The following GSDMC variants were observed in gnomAD, a reference collection of about 807,000 sequenced individuals.
The protein encoded by GSDMC is gasdermin-C.
Under a neutral mutation model 58.0 loss-of-function variants are expected in GSDMC, and 59 were observed. The observed-to-expected ratio is 1.02, with a 90% CI of 0.82 to 1.26. The LOEUF (loss-of-function observed/expected upper bound fraction) is 1.26, where lower values mean the gene tolerates loss of function less well. GSDMC is among the 50% of genes most tolerant of loss of function. The pLI is 0.00. For synonymous variants in GSDMC, 241 were observed against 220.2 expected (o/e 1.09, Z -0.83); for missense variants, 659 against 598.5 (o/e 1.10, Z -1.06).
At chr8:129,781,187 T>C (rs921652581) in intron 1 of GSDMC, among the ~76,000 whole-genome samples, 3 of 152,090 alleles carry the variant, frequency 2.0e-5, no homozygotes, top group East Asian at 1.9e-4. Flanking sequence ...TTATTAGTAA[T>C]AACATTAAAT....
intron 3 of GSDMC, among the ~76,000 whole-genome samples, chr8:129,774,134 C>T (rs1285545634): frequency 2.0e-5 from 3 of 152,144 alleles, no homozygotes; most frequent in Non-Finnish European, 4.4e-5. Context: ...ACACCCTATA[C>T]TTCCTGATTT....
rs369920568 is a variant in GSDMC at position 129,751,553 on chromosome 8, G to A, written c.932C>T (p.Pro311Leu). 1 of 1,611,646 alleles carries A rather than the reference G, an allele frequency of 6.2e-7. No homozygotes were observed. Among genetic ancestry groups the A allele is most frequent in the South Asian group, 1.1e-5 (1 of 90,836 alleles). ...HILPVGRIEE[P>L]FWQNFKHLQE... ...TAATAAATACTTACTTTGCCAGAAG[G>A]GTTCCTCTATTCTTCCTAGAAGGAG... is the stretch of plus-strand genomic sequence containing the variant. Residue 311 changes from proline to leucine, a missense_variant, in exon 10 of 14, where the codon CCC (proline) becomes CTC (leucine). Coordinates refer to ENST00000276708, the MANE Select transcript of GSDMC (RefSeq NM_031415.3).
chr8:129,771,862 T>C (rs2034061950), intron 3 of GSDMC, among the ~76,000 whole-genome samples: 1 of 152,058 alleles, frequency 6.6e-6, no homozygotes, highest in African/African-American at 2.4e-5. Context: ...ATACCAAAAC[T>C]TATGGGATAC....
chr8:129,759,917 A>G (rs901340192), intron 6 of GSDMC, among the ~76,000 whole-genome samples: 1 of 152,180 alleles, frequency 6.6e-6, no homozygotes, highest in African/African-American at 2.4e-5. Context: ...AAGAACAAAC[A>G]TTGCAACACT....
At chr8:129,754,296 G>C (rs1362723697) in intron 6 of GSDMC, among the ~76,000 whole-genome samples, 1 of 67,886 alleles carries the variant, frequency 1.5e-5, no homozygotes, top group Non-Finnish European at 3.0e-5. Context: ...AGGTGGCTCA[G>C]TACAGAGAGA....
At chr8:129,776,321 G>C in intron 2 of GSDMC, 36 bp from the exon 3 acceptor site, 1 of 1,504,534 alleles carries the variant, frequency 6.6e-7, no homozygotes, top group Non-Finnish European at 9.0e-7. Flanking sequence ...GTTTAGCCAA[G>C]AATTCATTCA....
At chr8:129,762,537 A>C in intron 5 of GSDMC, 89 bp downstream of exon 5, 1 of 820,232 alleles carries the variant, frequency 1.2e-6, no homozygotes, top group Non-Finnish European at 2.1e-6. Context: ...AAGGTTGCAT[A>C]CTATGGTTAT....
the GSDMC span, among the ~76,000 whole-genome samples, chr8:129,718,567 C>T: frequency 6.6e-6 from 1 of 152,170 alleles, no homozygotes; most frequent in African/African-American, 2.4e-5. Flanking sequence ...AATTGTAACG[C>T]TTTTACACTG....
At chr8:129,724,411 A>G in the GSDMC span, among the ~76,000 whole-genome samples, 1 of 152,208 alleles carries the variant, frequency 6.6e-6, no homozygotes, top group African/African-American at 2.4e-5. Context: ...TTTGTTTATC[A>G]ATAGATTATA....
chr8:129,772,974 A>G (rs573673651), intron 3 of GSDMC, among the ~76,000 whole-genome samples: 1 of 152,356 alleles, frequency 6.6e-6, no homozygotes, highest in African/African-American at 2.4e-5. Context: ...TTGCAAATCA[A>G]TAAATATAAT....
the GSDMC span, among the ~76,000 whole-genome samples, chr8:129,736,055 G>A: frequency 6.6e-6 from 1 of 152,150 alleles, no homozygotes. Flanking sequence ...AGAAAATCTA[G>A]AAGAAATGGA....
chr8:129,759,896 A>T (rs2033589668), intron 6 of GSDMC, among the ~76,000 whole-genome samples: 1 of 152,220 alleles, frequency 6.6e-6, no homozygotes. Context: ...CAGTATACCA[A>T]AGAGAGATTT....
At chr8:129,736,629 G>C in the GSDMC span, among the ~76,000 whole-genome samples, 3 of 152,208 alleles carry the variant, frequency 2.0e-5, no homozygotes, top group Non-Finnish European at 4.4e-5. Flanking sequence ...GGTATTGATG[G>C]GACGTTATCT....
chr8:129,712,283 G>T, the GSDMC span, among the ~76,000 whole-genome samples: 1 of 152,052 alleles, frequency 6.6e-6, no homozygotes, highest in Non-Finnish European at 1.5e-5. Context: ...AGGTATACAG[G>T]AATATCATGA....
rs1161844736 is a variant in GSDMC at position 129,748,301 on chromosome 8, T to C, written c.*200A>G. The C allele has an allele frequency of 4.3e-6, 2 of 462,172 alleles. No homozygotes were observed. The highest frequency in any genetic ancestry group is 4.0e-5 in the African/African-American group (2 of 50,120). 28.6% of individuals were successfully genotyped at this position (462,172 alleles called of 1,614,324 possible). A position where few individuals can be genotyped will look rare whatever the true frequency, so the allele number is the denominator to read the frequency against. On this transcript the variant is annotated 3_prime_UTR_variant, in exon 14 of 14. Transcript: ENST00000276708. Reference sequence around the variant, plus strand: ...GGAGTTTTGACAAATATATAAACTCTTGTCAATATATAAACTCTTGTCAAT... The same window carrying C: ...GGAGTTTTGACAAATATATAAACTCCTGTCAATATATAAACTCTTGTCAAT...
chr8:129,745,679 G>A (rs1457817658), downstream of GSDMC, among the ~76,000 whole-genome samples: 1 of 149,740 alleles, frequency 6.7e-6, no homozygotes, highest in Non-Finnish European at 1.5e-5. Flanking sequence ...AACATACTAG[G>A]CCTTCAGTAA....
the GSDMC span, among the ~76,000 whole-genome samples, chr8:129,721,426 C>A: frequency 6.6e-6 from 1 of 152,180 alleles, no homozygotes; most frequent in Non-Finnish European, 1.5e-5. Flanking sequence ...CTGCCTTACT[C>A]TTCTCTCCTT....
intron 3 of GSDMC, among the ~76,000 whole-genome samples, chr8:129,772,036 G>A (rs968396048): frequency 6.6e-6 from 1 of 152,100 alleles, no homozygotes; most frequent in African/African-American, 2.4e-5. Context: ...AGGCCAAGGC[G>A]GGCAGATCAT....
chr8:129,764,427 T>C (rs932454843), intron 4 of GSDMC, among the ~76,000 whole-genome samples: 4 of 152,204 alleles, frequency 2.6e-5, no homozygotes, highest in African/African-American at 9.6e-5. Flanking sequence ...AGAGATGTGA[T>C]GCCTGGAGCT....
Sources: gnomAD v4.1 joint callset for allele counts (sites outside exome capture counted in the v4.1 genomes callset) on GRCh38, gnomAD v4.1.1 for gene constraint, MANE v1.5 for transcripts, NCBI Gene and HGNC (gene_info 2026-07-23, HGNC 2026-07-21) for gene names.